LAMA1: variants seen among roughly 807,000 people sequenced by gnomAD.
LAMA1 encodes laminin subunit alpha-1.
A neutral mutation model predicts 348.7 loss-of-function variants in LAMA1; 219 were observed. That is an observed-to-expected ratio of 0.63 (90% CI 0.56 to 0.70). The LOEUF is 0.70. Ranked by LOEUF, LAMA1 falls within the 30% of genes least tolerant of loss-of-function variation. The probability of loss-of-function intolerance (pLI) is 0.00; values close to 1 mark genes in which losing one functional copy is unlikely to be tolerated. For synonymous variants in LAMA1, 1,487 were observed against 1,491.0 expected, an observed-to-expected ratio of 1.00 and a Z score of 0.06; for missense variants, 3,744 against 3,888.0, an observed-to-expected ratio of 0.96 and a Z score of 0.99.
chr18:6,991,425 C>CT (rs2057758320), intron 36 of LAMA1, among the ~76,000 whole-genome samples: 1 of 126,668 alleles, frequency 7.9e-6, no homozygotes, highest in Non-Finnish European at 1.6e-5. Flanking sequence ...GAGTCTTGCT[C>CT]TGTCGCCCAG....
At chr18:6,943,545 CCTTTT>C in intron 61 of LAMA1, 143 bp from the exon 62 acceptor site, 1 of 746,998 alleles carries the variant, frequency 1.3e-6, no homozygotes, top group Non-Finnish European at 2.3e-6. Context: ...TGAAAAGTAA[CCTTTT>C]AAAGGATTCA....
rs1479959656 is a variant in LAMA1 at position 6,958,530 on chromosome 18, G to A, written c.7911C>T (p.Leu2637=). The A allele has an allele frequency of 1.9e-6, 3 of 1,614,052 alleles. No homozygotes were observed. The highest frequency in any genetic ancestry group is 1.3e-5 in the African/African-American group (1 of 74,912). ...GIPEGEGTSL[L]TMRRSFHGCI... is the part of the protein sequence containing the mutation. The stretch of plus-strand genomic sequence containing the variant: ...AGCCATGGAACGATCTTCTCATTGT[G>A]AGCAGTGACGTCCCCTCTCCCTCTG... The change falls in exon 55 of 63, where the codon CTC becomes CTT. Residue 2637 remains leucine (L), a synonymous_variant. Transcript: ENST00000389658.
chr18:7,065,242 A>AC (rs1178759211), intron 3 of LAMA1, among the ~76,000 whole-genome samples: 1 of 150,638 alleles, frequency 6.6e-6, no homozygotes, highest in African/African-American at 2.4e-5. Context: ...CAAAAAAAAA[A>AC]AAAAAAAAAA....
At chr18:7,006,919 A>T (rs534148196) in intron 29 of LAMA1, among the ~76,000 whole-genome samples, 1 of 152,254 alleles carries the variant, frequency 6.6e-6, no homozygotes, top group East Asian at 1.9e-4. Flanking sequence ...ATGCCCACAG[A>T]TAAATTCATC....
chr18:7,023,372 A>G lies in LAMA1; in HGVS notation c.2493T>C (p.Cys831=), dbSNP rs684634. The change falls in exon 19 of 63, where the codon TGT becomes TGC. Residue 831 remains cysteine (C), a synonymous_variant. Coordinates refer to ENST00000389658, the MANE Select transcript of LAMA1 (RefSeq NM_005559.4). ...TTGGGTTTCCATAGTAACCATCTGC[A>G]CATCTGTATCAAAGATTGAAAGTGG... ...PGYSGAWCER[C]ADGYYGNPTV... is the part of the protein sequence containing the mutation. 0.38 allele frequency: 617,796 copies of G among 1,612,616 alleles called. 126,479 individuals carry two copies. The highest frequency in any genetic ancestry group is 0.77 in the African/African-American group (57,927 of 74,916).
chr18:7,045,578 A>C (rs2058038649), intron 6 of LAMA1, among the ~76,000 whole-genome samples: 1 of 152,192 alleles, frequency 6.6e-6, no homozygotes, highest in Non-Finnish European at 1.5e-5. Context: ...TTTTTTATTG[A>C]GACAGAGTCT....
At chr18:6,952,862 C>T (rs495960) in intron 57 of LAMA1, among the ~76,000 whole-genome samples, 106,497 of 126,318 alleles carry the variant, frequency 0.84, 43,924 homozygotes, top group East Asian at 0.92. Context: ...CTGTGTCCAG[C>T]GGATCCACGC....
intron 26 of LAMA1, among the ~76,000 whole-genome samples, 172 bp from the exon 27 acceptor site, chr18:7,009,538 G>T (rs892620420): frequency 2.6e-5 from 4 of 152,108 alleles, no homozygotes; most frequent in African/African-American, 7.2e-5. Context: ...CAGGCGCAGT[G>T]TCAGTTCCAT....
chr18:7,031,860 T>C (rs2057970662), intron 16 of LAMA1, among the ~76,000 whole-genome samples: 1 of 147,090 alleles, frequency 6.8e-6, no homozygotes, highest in Non-Finnish European at 1.5e-5. Flanking sequence ...TTTTCCACTA[T>C]TACCAAAGTA....
intron 48 of LAMA1, among the ~76,000 whole-genome samples, chr18:6,970,517 G>C (rs1339560594): frequency 1.3e-5 from 2 of 152,262 alleles, no homozygotes; most frequent in East Asian, 3.9e-4. Context: ...CAAAGTCAGG[G>C]AAGAAAATTT....
At chr18:7,065,305 G>A (rs1178362808) in intron 3 of LAMA1, among the ~76,000 whole-genome samples, 1 of 151,418 alleles carries the variant, frequency 6.6e-6, no homozygotes, top group Non-Finnish European at 1.5e-5. Flanking sequence ...GGGGTGTGGG[G>A]GAATTCTCTG....
At chr18:7,021,853 T>TATATA (rs1568034758) in intron 19 of LAMA1, among the ~76,000 whole-genome samples, 7 of 70,088 alleles carry the variant, frequency 1.0e-4, no homozygotes, top group African/African-American at 1.4e-4. Context: ...TATATTATAT[T>TATATA]ATATATATTA....
In LAMA1 at chr18:7,026,169, A is replaced by G. The variant is rs2057942285; in HGVS notation, c.2275-63T>C. 34 of 1,570,096 alleles carry G rather than the reference A, an allele frequency of 2.2e-5. No homozygotes were observed. The East Asian group carries it at 7.9e-4, about 37-fold the overall frequency. On this transcript the variant is annotated intron_variant, in intron 16 of 62. Coordinates refer to ENST00000389658, the MANE Select transcript of LAMA1 (RefSeq NM_005559.4). Reference sequence around the variant, plus strand: ...TTAAAGGATTTTCAGATTTATCTATAAGCAACTTGAAGTCCAAGCGGAAAA... The same window carrying G: ...TTAAAGGATTTTCAGATTTATCTATGAGCAACTTGAAGTCCAAGCGGAAAA...
At chr18:6,994,687 ACAC>A (rs751199154) in intron 34 of LAMA1, among the ~76,000 whole-genome samples, 5 of 139,180 alleles carry the variant, frequency 3.6e-5, no homozygotes, top group Non-Finnish European at 6.2e-5. Flanking sequence ...ACACACACAC[ACAC>A]ACACACACAT....
intron 3 of LAMA1, among the ~76,000 whole-genome samples, chr18:7,063,327 A>T (rs1314497781): frequency 6.6e-6 from 1 of 152,220 alleles, no homozygotes; most frequent in African/African-American, 2.4e-5. Context: ...CTTATTTTTT[A>T]AAAGAGAATA....
At chr18:7,055,783 A>C (rs1233114525) in intron 3 of LAMA1, among the ~76,000 whole-genome samples, 11 of 152,072 alleles carry the variant, frequency 7.2e-5, no homozygotes, top group Non-Finnish European at 1.5e-5. Context: ...TCTAAAGCAC[A>C]TTAGAAGCGA....
intron 49 of LAMA1, 158 bp from the exon 50 acceptor site, chr18:6,965,590 C>T: frequency 1.4e-6 from 1 of 728,966 alleles, no homozygotes; most frequent in Non-Finnish European, 2.3e-6. Flanking sequence ...CAAAAATGCC[C>T]ACGAAGGCTT....
chr18:6,996,642 G>A (rs1173348097), intron 33 of LAMA1, among the ~76,000 whole-genome samples: 1 of 152,034 alleles, frequency 6.6e-6, no homozygotes, highest in African/African-American at 2.4e-5. Flanking sequence ...AGCCAGGCAT[G>A]GTGGTGTGTG....
At chr18:7,087,197 G>A (rs1394319849) in intron 1 of LAMA1, among the ~76,000 whole-genome samples, 1 of 152,236 alleles carries the variant, frequency 6.6e-6, no homozygotes, top group Non-Finnish European at 1.5e-5. Flanking sequence ...GCAGTAACAA[G>A]TCCTGGTTGA....
Sources: allele counts gnomAD v4.1 joint callset (sites outside exome capture counted in the v4.1 genomes callset), GRCh38; gene constraint gnomAD v4.1.1; transcripts MANE v1.5; gene names NCBI Gene and HGNC (gene_info 2026-07-23, HGNC 2026-07-21).